DPP6: variants seen among roughly 807,000 people sequenced by gnomAD.
DPP6 encodes the protein dipeptidyl peptidase like 6, also known as A-type potassium channel modulatory protein DPP6.
In DPP6, 69 loss-of-function variants were observed where a neutral mutation model predicts 122.6. That is an observed-to-expected ratio of 0.56 (90% CI 0.46 to 0.69). The LOEUF (loss-of-function observed/expected upper bound fraction) is 0.69, where lower values mean the gene tolerates loss of function less well. Ranked by LOEUF, DPP6 falls within the 30% of genes least tolerant of loss-of-function variation. The probability of loss-of-function intolerance (pLI) is 0.00; values close to 1 mark genes in which losing one functional copy is unlikely to be tolerated. For missense variants in DPP6, 928 were observed against 1,116.9 expected (o/e 0.83, Z 2.41); for synonymous variants, 418 against 433.1 (o/e 0.97, Z 0.43).
chr7:153,756,916 A>G, the DPP6 span, among the ~76,000 whole-genome samples: 2 of 152,186 alleles, frequency 1.3e-5, no homozygotes, highest in African/African-American at 4.8e-5. Context: ...TTAAGTTTCC[A>G]GGAATAGAGG....
At chr7:154,323,513 T>C (rs983589261) in intron 1 of DPP6, among the ~76,000 whole-genome samples, 1 of 152,196 alleles carries the variant, frequency 6.6e-6, no homozygotes, top group Non-Finnish European at 1.5e-5. Context: ...CATGTCTATT[T>C]TCATCGTCAA....
At chr7:154,866,644 G>T (rs527701561) in intron 17 of DPP6, among the ~76,000 whole-genome samples, 1 of 152,316 alleles carries the variant, frequency 6.6e-6, no homozygotes, top group East Asian at 1.9e-4. Flanking sequence ...CGTGGTGTTC[G>T]GAACCTTTCC....
chr7:154,516,107 G>A (rs1826477821), intron 3 of DPP6, among the ~76,000 whole-genome samples: 1 of 152,152 alleles, frequency 6.6e-6, no homozygotes, highest in Non-Finnish European at 1.5e-5. Flanking sequence ...GAACTTGACA[G>A]AGTCTTCAAG....
intron 8 of DPP6, among the ~76,000 whole-genome samples, chr7:154,759,405 C>G (rs1366057959): frequency 6.6e-6 from 1 of 152,232 alleles, no homozygotes; most frequent in African/African-American, 2.4e-5. Context: ...CGGGGACGTT[C>G]TCCCAGGAGC....
the DPP6 span, among the ~76,000 whole-genome samples, chr7:153,818,098 C>T: frequency 3.3e-5 from 5 of 151,878 alleles, no homozygotes; most frequent in Admixed American, 2.0e-4. Context: ...GAAAAATAGG[C>T]AAATGATGTA....
chr7:153,771,031 G>A, the DPP6 span, among the ~76,000 whole-genome samples: 1 of 152,160 alleles, frequency 6.6e-6, no homozygotes, highest in African/African-American at 2.4e-5. Flanking sequence ...AGAGATTTGA[G>A]GAGAAGAAAT....
At chr7:154,249,450 T>C (rs1383455558) in intron 1 of DPP6, among the ~76,000 whole-genome samples, 1 of 152,264 alleles carries the variant, frequency 6.6e-6, no homozygotes. Flanking sequence ...ACTGCACAAA[T>C]AATTACTCTT....
At chr7:154,336,326 T>C (rs1206929260) in intron 1 of DPP6, among the ~76,000 whole-genome samples, 1 of 152,104 alleles carries the variant, frequency 6.6e-6, no homozygotes, top group East Asian at 1.9e-4. Context: ...TACACAGTGG[T>C]GGTGCCGGGA....
chr7:154,026,924 C>A (rs1285377303), intron 1 of DPP6: 1 of 149,410 alleles, frequency 6.7e-6, no homozygotes, highest in African/African-American at 2.5e-5. Flanking sequence ...AATGAGATAC[C>A]TCTTCAGAGT....
chr7:154,284,137 A>C (rs1030607508), intron 1 of DPP6, among the ~76,000 whole-genome samples: 1 of 152,072 alleles, frequency 6.6e-6, no homozygotes, highest in South Asian at 2.1e-4. Context: ...GAGACCTGGA[A>C]CCCCACTGGG....
chr7:154,670,744 G>A (rs1458963510), intron 7 of DPP6, among the ~76,000 whole-genome samples: 1 of 152,116 alleles, frequency 6.6e-6, no homozygotes, highest in Admixed American at 6.6e-5. Flanking sequence ...CCACAGAATT[G>A]TATCGGATAG....
At chr7:154,639,583 A>G (rs1482351133) in intron 6 of DPP6, among the ~76,000 whole-genome samples, 1 of 152,230 alleles carries the variant, frequency 6.6e-6, no homozygotes, top group African/African-American at 2.4e-5. Context: ...TTACTGCATC[A>G]GTCAGCATTT....
chr7:154,003,017 G>A (rs1476826407), intron 1 of DPP6, among the ~76,000 whole-genome samples: 1 of 152,122 alleles, frequency 6.6e-6, no homozygotes, highest in Non-Finnish European at 1.5e-5. Context: ...CTTTTGAGGG[G>A]AGGAGAAAAA....
intron 7 of DPP6, among the ~76,000 whole-genome samples, chr7:154,722,872 A>G (rs1229362619): frequency 6.6e-6 from 1 of 152,202 alleles, no homozygotes; most frequent in Non-Finnish European, 1.5e-5. Context: ...CTCAGCATCC[A>G]GGATTTCTCA....
At chr7:154,385,022 G>A (rs770439239) in intron 1 of DPP6, among the ~76,000 whole-genome samples, 67 of 152,110 alleles carry the variant, frequency 4.4e-4, no homozygotes, top group Admixed American at 4.6e-4. Flanking sequence ...TCGCCCAGGA[G>A]TGCAGTGGTG....
intron 1 of DPP6, among the ~76,000 whole-genome samples, chr7:153,916,598 G>A (rs1800338528): frequency 6.6e-6 from 1 of 151,248 alleles, no homozygotes; most frequent in South Asian, 2.1e-4. Flanking sequence ...TAGTAGAAAC[G>A]GGGTTTCACT....
chr7:153,786,657 T>C, the DPP6 span, among the ~76,000 whole-genome samples: 1 of 139,818 alleles, frequency 7.2e-6, no homozygotes, highest in Non-Finnish European at 1.5e-5. Context: ...GAGAATGGCG[T>C]GAACCCGGGA....
At chr7:154,878,613 T>C (rs559541617) in intron 20 of DPP6, among the ~76,000 whole-genome samples, 1 of 152,088 alleles carries the variant, frequency 6.6e-6, no homozygotes, top group East Asian at 1.9e-4. Context: ...CTCCCACAGT[T>C]CCCCCGTCCA....
At chr7:154,260,694 AATATATATT>A (rs893899378) in intron 1 of DPP6, among the ~76,000 whole-genome samples, 2 of 147,638 alleles carry the variant, frequency 1.4e-5, no homozygotes, top group African/African-American at 4.9e-5. Context: ...ATATATGTAT[AATATATATT>A]ATATATATTA....
Sources: gnomAD v4.1 joint callset for allele counts (sites outside exome capture counted in the v4.1 genomes callset) on GRCh38, gnomAD v4.1.1 for gene constraint, MANE v1.5 for transcripts, NCBI Gene and HGNC (gene_info 2026-07-23, HGNC 2026-07-21) for gene names.